SPECC1L: variants seen among roughly 807,000 people sequenced by gnomAD.
SPECC1L encodes cytospin-A.
A neutral mutation model predicts 116.8 loss-of-function variants in SPECC1L; 40 were observed. The observed-to-expected ratio is 0.34, with a 90% CI of 0.27 to 0.45. SPECC1L has a LOEUF of 0.45. Ranked by LOEUF, SPECC1L falls within the 20% of genes least tolerant of loss-of-function variation. SPECC1L has a pLI of 1.00. For missense variants in SPECC1L, 1,110 were observed against 1,373.6 expected (o/e 0.81, Z 3.03); for synonymous variants, 504 against 500.6 (o/e 1.01, Z -0.09).
At chr22:24,398,531 A>C (rs1300331410) in intron 14 of SPECC1L, among the ~76,000 whole-genome samples, 1 of 152,172 alleles carries the variant, frequency 6.6e-6, no homozygotes, top group Non-Finnish European at 1.5e-5. Context: ...CTTATAATGG[A>C]GGAGGAGTCA....
At chr22:24,334,693 G>A (rs2041014722) in intron 9 of SPECC1L, 120 bp downstream of exon 9, 1 of 1,077,778 alleles carries the variant, frequency 9.3e-7, no homozygotes, top group South Asian at 1.3e-5. Flanking sequence ...CTTTCATATA[G>A]TATTAATGCA....
At chr22:24,353,319 A>G (rs1455222495) in intron 11 of SPECC1L, among the ~76,000 whole-genome samples, 3 of 152,092 alleles carry the variant, frequency 2.0e-5, no homozygotes, top group Non-Finnish European at 4.4e-5. Context: ...CCCCTGTCTC[A>G]CATGACCTCA....
intron 11 of SPECC1L, among the ~76,000 whole-genome samples, chr22:24,350,000 C>T (rs2041389771): frequency 6.6e-6 from 1 of 152,166 alleles, no homozygotes; most frequent in Non-Finnish European, 1.5e-5. Flanking sequence ...GCAGCCTGGC[C>T]TCAGTGTCCT....
At chr22:24,289,895 TTTCA>T (rs1335832422) in intron 2 of SPECC1L, among the ~76,000 whole-genome samples, 2 of 152,190 alleles carry the variant, frequency 1.3e-5, no homozygotes, top group African/African-American at 4.8e-5. Context: ...GGCAGCTTAC[TTTCA>T]TAGTTAAACG....
At chr22:24,326,287 G>C (rs1207840627) in intron 6 of SPECC1L, among the ~76,000 whole-genome samples, 1 of 152,164 alleles carries the variant, frequency 6.6e-6, no homozygotes, top group Non-Finnish European at 1.5e-5. Flanking sequence ...GTAAATGAAA[G>C]GTGTAACTCC....
chr22:24,281,371 T>C (rs1001256971), intron 2 of SPECC1L, among the ~76,000 whole-genome samples: 10 of 152,232 alleles, frequency 6.6e-5, no homozygotes, highest in African/African-American at 2.4e-4. Flanking sequence ...GTTGGGATTG[T>C]TTTGATTCTG....
intron 10 of SPECC1L, among the ~76,000 whole-genome samples, chr22:24,339,129 C>T (rs2041121731): frequency 1.3e-5 from 2 of 152,146 alleles, no homozygotes; most frequent in South Asian, 4.1e-4. Context: ...TGGGATGGGG[C>T]CTGGGCTCAG....
At chr22:24,373,115 G>A (rs1437709538) in intron 14 of SPECC1L, among the ~76,000 whole-genome samples, 1 of 152,138 alleles carries the variant, frequency 6.6e-6, no homozygotes, top group African/African-American at 2.4e-5. Context: ...ACTGCTCAAT[G>A]AAATAAAAGA....
chr22:24,401,188 G>C (rs1210709615), intron 14 of SPECC1L, among the ~76,000 whole-genome samples: 2 of 152,200 alleles, frequency 1.3e-5, no homozygotes, highest in African/African-American at 2.4e-5. Context: ...GTGTTTGGAA[G>C]TATGTCTCTT....
chr22:24,301,839 G>A (rs1003970485), intron 2 of SPECC1L, among the ~76,000 whole-genome samples: 2 of 152,138 alleles, frequency 1.3e-5, no homozygotes, highest in African/African-American at 2.4e-5. Context: ...GAGGTCAGGA[G>A]ATCGAGACCA....
At chr22:24,373,372 CTA>C (rs1476943682) in intron 14 of SPECC1L, among the ~76,000 whole-genome samples, 2 of 152,204 alleles carry the variant, frequency 1.3e-5, no homozygotes, top group Admixed American at 1.3e-4. Flanking sequence ...TGACTTCAAA[CTA>C]TACTACAAGG....
intron 14 of SPECC1L, among the ~76,000 whole-genome samples, chr22:24,396,587 C>T (rs898726500): frequency 6.6e-6 from 1 of 152,142 alleles, no homozygotes; most frequent in African/African-American, 2.4e-5. Context: ...TGTGCCACCA[C>T]CCCCAGCCTC....
At chr22:24,401,581 G>C (rs933790866) in intron 14 of SPECC1L, among the ~76,000 whole-genome samples, 2 of 152,194 alleles carry the variant, frequency 1.3e-5, no homozygotes, top group Admixed American at 1.3e-4. Context: ...GGTCTGGAAA[G>C]TTCTATCAGG....
At chr22:24,282,621 TTGTC>T (rs1351438298) in intron 2 of SPECC1L, among the ~76,000 whole-genome samples, 1 of 152,188 alleles carries the variant, frequency 6.6e-6, no homozygotes, top group Non-Finnish European at 1.5e-5. Context: ...TATATGCTGT[TTGTC>T]AGGTTTAGTA....
intron 14 of SPECC1L, among the ~76,000 whole-genome samples, chr22:24,379,193 G>A (rs2042019154): frequency 6.6e-6 from 1 of 151,904 alleles, no homozygotes; most frequent in South Asian, 2.1e-4. Flanking sequence ...TGGCAACATA[G>A]TGAGATCTTC....
Position 24,328,793 on chromosome 22 carries a change from T to C in SPECC1L, c.2147-53T>C, listed in dbSNP as rs189220708. ...TAAGTATCCCTTTTCTTTGTATTAT[T>C]ACTCTGAAGATTGTTGTGAGAATAG... On this transcript the variant is annotated intron_variant, in intron 6 of 16. Coordinates refer to ENST00000314328, the MANE Select transcript of SPECC1L (RefSeq NM_015330.6). 9.3e-4 allele frequency: 1,301 copies of C among 1,393,782 alleles called. 4 individuals are homozygous for C. Among genetic ancestry groups the C allele is most frequent in the Non-Finnish European group, 9.0e-4 (881 of 984,036 alleles). The allele number at this position is 1,393,782 out of a possible 1,614,324, so 86.3% of individuals were successfully genotyped here. A position where few individuals can be genotyped will look rare whatever the true frequency, so the allele number is the denominator to read the frequency against.
chr22:24,292,618 G>T (rs2049175290), intron 2 of SPECC1L, among the ~76,000 whole-genome samples: 3 of 152,128 alleles, frequency 2.0e-5, no homozygotes, highest in African/African-American at 7.2e-5. Flanking sequence ...TTTAAGTTCA[G>T]TTCTCTACTC....
chr22:24,344,966 G>T (rs577582875), intron 10 of SPECC1L, among the ~76,000 whole-genome samples: 132 of 152,236 alleles, frequency 8.7e-4, no homozygotes, highest in Non-Finnish European at 1.7e-3. Context: ...TTGGTCTGTA[G>T]ATTCAACACA....
intron 9 of SPECC1L, among the ~76,000 whole-genome samples, chr22:24,337,596 A>T (rs1463293607): frequency 6.6e-6 from 1 of 152,260 alleles, no homozygotes; most frequent in Non-Finnish European, 1.5e-5. Context: ...TTGTCTCAGT[A>T]CATAAGAATA....
Sources: gnomAD v4.1 joint callset for allele counts (sites outside exome capture counted in the v4.1 genomes callset) on GRCh38, gnomAD v4.1.1 for gene constraint, MANE v1.5 for transcripts, NCBI Gene and HGNC (gene_info 2026-07-23, HGNC 2026-07-21) for gene names.